The following RAPGEF2 variants were observed in gnomAD, a reference collection of about 807,000 sequenced individuals.
RAPGEF2 encodes PDZ domain containing guanine nucleotide exchange factor (GEF) 1.
A neutral mutation model predicts 186.7 loss-of-function variants in RAPGEF2; 54 were observed. That is an observed-to-expected ratio of 0.29 (90% CI 0.23 to 0.36). RAPGEF2 has a LOEUF of 0.36. Among genes scored for constraint, RAPGEF2 ranks in the 10% least tolerant of loss-of-function variants. The pLI is 1.00. For synonymous variants in RAPGEF2, 712 were observed against 705.9 expected (o/e 1.01, Z -0.14); for missense variants, 1,532 against 2,045.0 (o/e 0.75, Z 4.84).
At chr4:159,266,236 T>C (rs1461947724) in intron 7 of RAPGEF2, among the ~76,000 whole-genome samples, 1 of 151,924 alleles carries the variant, frequency 6.6e-6, no homozygotes, top group African/African-American at 2.4e-5. Context: ...GTGGTGGGAA[T>C]GGTTGCCTTT....
intron 8 of RAPGEF2, among the ~76,000 whole-genome samples, chr4:159,311,085 C>G (rs1763896249): frequency 6.6e-6 from 1 of 152,054 alleles, no homozygotes; most frequent in Non-Finnish European, 1.5e-5. Context: ...AGCACAGTTA[C>G]TGTGTTTTGT....
At chr4:159,268,120 G>A (rs751666060) in intron 7 of RAPGEF2, 13 of 1,611,390 alleles carry the variant, frequency 8.1e-6, no homozygotes, top group Middle Eastern at 1.6e-4. Flanking sequence ...ATTGGTACAT[G>A]ATGTGTAAAT....
intron 1 of RAPGEF2, among the ~76,000 whole-genome samples, chr4:159,163,383 TG>T (rs1290640214): frequency 6.6e-6 from 1 of 152,210 alleles, no homozygotes; most frequent in African/African-American, 2.4e-5. Flanking sequence ...ATAAGCACTT[TG>T]TCTTGATGGA....
intron 1 of RAPGEF2, among the ~76,000 whole-genome samples, chr4:159,186,069 G>T (rs1426553184): frequency 6.6e-6 from 1 of 151,748 alleles, no homozygotes; most frequent in Non-Finnish European, 1.5e-5. Context: ...AAATAACTTT[G>T]AGTCTTTTTT....
chr4:159,239,003 A>G (rs544262682), intron 5 of RAPGEF2, 119 bp downstream of exon 5: 3 of 493,342 alleles, frequency 6.1e-6, no homozygotes, highest in African/African-American at 4.0e-5. Context: ...TATATTTTCT[A>G]TAACAGATAT....
rs553426347 is a variant in RAPGEF2, at chr4:159,128,570, G to A, written c.69+24339G>A. ...TAGTAGTTTATTCACCCCTCTTTTT[G>A]GTGAATACAAAGCAGTAAAACCATG... On this transcript the variant is annotated intron_variant, in intron 1 of 29. Coordinates refer to ENST00000691494, the MANE Select transcript of RAPGEF2 (RefSeq NM_001394067.2). 2.0e-5 allele frequency among the ~76,000 whole-genome samples: 3 copies of A among 151,132 alleles called. No individual in the cohort carries two copies. In the South Asian group the frequency reaches 6.3e-4, roughly 32 times the overall value.
In RAPGEF2 at chr4:159,239,903, TC is replaced by T. The variant is rs1379711927; in HGVS notation, c.357+1022del. Among the ~76,000 whole-genome samples, 66 of 152,226 alleles carry T rather than the reference TC, an allele frequency of 4.3e-4. 1 individual carries two copies. The highest frequency in any genetic ancestry group is 6.0e-4 in the Non-Finnish European group (41 of 68,030). On this transcript the variant is annotated intron_variant, in intron 5 of 29. Transcript: ENST00000691494. ...CTTTTCAGAGAAGATGTAGGGTTTT[TC>T]CCTATGATGTAGGAGAGGAATTCTG...
At chr4:159,120,004 C>T (rs546950879) in intron 1 of RAPGEF2, among the ~76,000 whole-genome samples, 2 of 152,090 alleles carry the variant, frequency 1.3e-5, no homozygotes, top group Admixed American at 1.3e-4. Flanking sequence ...CATCACTCCC[C>T]AAAGCTGAAT....
At chr4:159,207,919 A>C (rs986153401) in intron 3 of RAPGEF2, among the ~76,000 whole-genome samples, 1 of 152,228 alleles carries the variant, frequency 6.6e-6, no homozygotes, top group African/African-American at 2.4e-5. Context: ...TTTTTTCACA[A>C]ACCAAACGAA....
intron 3 of RAPGEF2, among the ~76,000 whole-genome samples, chr4:159,195,888 T>TG (rs1748598329): frequency 6.9e-6 from 1 of 145,968 alleles, no homozygotes; most frequent in Non-Finnish European, 1.5e-5. Flanking sequence ...TTTTTTTTTT[T>TG]TTTTTTTTTT....
At chr4:159,221,151 C>T (rs1056074038) in intron 4 of RAPGEF2, among the ~76,000 whole-genome samples, 1 of 152,248 alleles carries the variant, frequency 6.6e-6, no homozygotes, top group Admixed American at 6.5e-5. Flanking sequence ...GTTGCAAAAA[C>T]CAATTGCAAC....
chr4:159,255,925 C>T, intron 7 of RAPGEF2, among the ~76,000 whole-genome samples: 1 of 152,092 alleles, frequency 6.6e-6, no homozygotes, highest in Non-Finnish European at 1.5e-5. Context: ...TATAACCCAT[C>T]CAGAAAACAG....
At chr4:159,132,487 A>G (rs971010844) in intron 1 of RAPGEF2, among the ~76,000 whole-genome samples, 1 of 152,230 alleles carries the variant, frequency 6.6e-6, no homozygotes, top group Non-Finnish European at 1.5e-5. Context: ...CTTACAAGAC[A>G]TAGAAAGGGC....
At chr4:159,193,872 T>G (rs1748363310) in intron 3 of RAPGEF2, among the ~76,000 whole-genome samples, 1 of 152,232 alleles carries the variant, frequency 6.6e-6, no homozygotes, top group Non-Finnish European at 1.5e-5. Context: ...TTCAAAGCAC[T>G]TACTTTCTAC....
intron 6 of RAPGEF2, among the ~76,000 whole-genome samples, chr4:159,242,345 T>G (rs1278474846): frequency 6.6e-6 from 1 of 151,870 alleles, no homozygotes; most frequent in Non-Finnish European, 1.5e-5. Context: ...GTTGTTTTCC[T>G]TTACCTTTTT....
At chr4:159,201,127 C>T (rs554136800) in intron 3 of RAPGEF2, among the ~76,000 whole-genome samples, 1 of 152,116 alleles carries the variant, frequency 6.6e-6, no homozygotes, top group African/African-American at 2.4e-5. Flanking sequence ...ATCTAGTGAG[C>T]TTGCTTTGTG....
intron 9 of RAPGEF2, among the ~76,000 whole-genome samples, chr4:159,315,795 T>C (rs1289842231): frequency 1.3e-5 from 2 of 152,312 alleles, no homozygotes. Context: ...GTACTTTCAC[T>C]AATTTACTGC....
intron 22 of RAPGEF2, 51 bp downstream of exon 22, chr4:159,343,455 T>TA (rs760826771): frequency 6.9e-6 from 11 of 1,584,938 alleles, no homozygotes; most frequent in Non-Finnish European, 9.5e-6. Flanking sequence ...AGGTTAAATT[T>TA]AGAGCTTCCC....
At chr4:159,188,703 A>G (rs1369307000) in intron 2 of RAPGEF2, among the ~76,000 whole-genome samples, 1 of 151,990 alleles carries the variant, frequency 6.6e-6, no homozygotes, top group Non-Finnish European at 1.5e-5. Flanking sequence ...GAAAAGGTAT[A>G]AAAATACTAA....
Sources: allele counts gnomAD v4.1 joint callset (sites outside exome capture counted in the v4.1 genomes callset), GRCh38; gene constraint gnomAD v4.1.1; transcripts MANE v1.5; gene names NCBI Gene and HGNC (gene_info 2026-07-23, HGNC 2026-07-21).